OSBPL3: variants seen among roughly 807,000 people sequenced by gnomAD.
The protein encoded by OSBPL3 is oxysterol binding protein like 3.
A neutral mutation model predicts 120.1 loss-of-function variants in OSBPL3; 65 were observed. The observed-to-expected ratio is 0.54, with a 90% CI of 0.44 to 0.67. The LOEUF is 0.67. OSBPL3 is among the 30% of genes least tolerant of loss of function. OSBPL3 has a pLI of 0.00. For synonymous variants in OSBPL3, 416 were observed against 402.6 expected (o/e 1.03, Z -0.40); for missense variants, 1,004 against 1,082.1 (o/e 0.93, Z 1.01).
In OSBPL3 at chr7:24,863,592, C is replaced by A. The variant is rs78399024; in HGVS notation, c.681G>T (p.Ala227=). Residue 227 remains alanine (A), a synonymous_variant, in exon 8 of 23, where the codon GCG becomes GCT. Transcript: ENST00000313367. This position sits in a 1 kb window ranked among gnomAD's most constrained non-coding sequence, Gnocchi z 5.8. ...TTTCTACCAGGTAGGCATGACAGTG[C>A]GCCAGGTCTGTGGGGGAAAAGAGGA... ...EDMEKCSKDL[A]HCHAYLVEMS... is the part of the protein sequence containing the mutation. The A allele has an allele frequency of 6.2e-7, 1 of 1,611,900 alleles. No homozygotes were observed. The highest frequency in any genetic ancestry group is 2.2e-5 in the East Asian group (1 of 44,868).
intron 9 of OSBPL3, 112 bp from the exon 10 acceptor site, chr7:24,861,881 G>T (rs2128249324): frequency 9.0e-5 from 50 of 553,584 alleles, no homozygotes; most frequent in East Asian, 1.5e-4. Context: ...TTTATAGGTA[G>T]GTCTTTTTTT....
Position 24,946,393 on chromosome 7 carries a change from G to A in OSBPL3, c.-150+33493C>T, listed in dbSNP as rs1212329381. ...CTCGTATTTAAGAGAAGGGTACACA[G>A]ACCTCACCTATCAATGAAAGAACTT... is the stretch of plus-strand genomic sequence containing the variant. On this transcript the variant is annotated intron_variant, in intron 1 of 22. Transcript: ENST00000313367. This position sits in a 1 kb window ranked among gnomAD's most constrained non-coding sequence, Gnocchi z 4.3. Among the ~76,000 whole-genome samples the A allele has an allele frequency of 6.6e-6, 1 of 152,110 alleles. No homozygotes were observed. The highest frequency in any genetic ancestry group is 2.4e-5 in the African/African-American group (1 of 41,412).
At chr7:24,909,329 G>C (rs1299608182) in intron 1 of OSBPL3, among the ~76,000 whole-genome samples, 1 of 152,142 alleles carries the variant, frequency 6.6e-6, no homozygotes, top group Non-Finnish European at 1.5e-5. Flanking sequence ...GGCTGCCAAT[G>C]AGATGTGAGC....
rs1158688223 is a variant in OSBPL3, at chr7:24,968,874, T to G, written c.-150+11012A>C. Among the ~76,000 whole-genome samples, 1 of 152,250 alleles carries G rather than the reference T, an allele frequency of 6.6e-6. No individual in the cohort carries two copies. Among genetic ancestry groups the G allele is most frequent in the Non-Finnish European group, 1.5e-5 (1 of 68,042 alleles). On this transcript the variant is annotated intron_variant, in intron 1 of 22. Transcript: ENST00000313367. This position sits in a 1 kb window ranked among gnomAD's most constrained non-coding sequence, Gnocchi z 4.6. ...CAGAAAATGTAGAGCTGCCTCATTTTTAACGGCTCTATTATTTTTAATTAG... is the reference window on the plus strand; with the variant it reads ...CAGAAAATGTAGAGCTGCCTCATTTGTAACGGCTCTATTATTTTTAATTAG...
chr7:24,948,561 C>G (rs1814017693), intron 1 of OSBPL3, among the ~76,000 whole-genome samples: 7 of 152,128 alleles, frequency 4.6e-5, no homozygotes, highest in Admixed American at 4.6e-4. Context: ...AATGCAATAC[C>G]TTCTTCCAGC....
Position 24,834,651 on chromosome 7 carries a change from G to A in OSBPL3, c.1581C>T (p.Ser527=), listed in dbSNP as rs1796781024. The A allele has an allele frequency of 6.2e-7, 1 of 1,613,934 alleles. No individual in the cohort carries two copies. The highest frequency in any genetic ancestry group is 1.7e-5 in the Admixed American group (1 of 59,998). ...PAPCPSSSNI[S]LWNILRNNIG... is the part of the protein sequence containing the mutation. The stretch of plus-strand genomic sequence containing the variant: ...TGTTGTTCCTCAGGATGTTCCACAG[G>A]CTGATGTTACTGCTGCTCGGGCAGG... Residue 527 remains serine (S), a synonymous_variant, in exon 15 of 23, where the codon AGC becomes AGT. Coordinates refer to ENST00000313367, the MANE Select transcript of OSBPL3 (RefSeq NM_015550.4). The surrounding 1 kb of genome is among the most constrained non-coding windows in gnomAD (Gnocchi z 5.2).
Position 24,804,401 on chromosome 7 carries a change from T to C in OSBPL3, c.2481A>G (p.Ile827Met). The change falls in exon 22 of 23, where the codon ATA (isoleucine) becomes ATG (methionine). Residue 827 changes from isoleucine (I) to methionine (M), a missense_variant. Physicochemically the swap from Ile to Met is conservative, Grantham distance 10. Transcript: ENST00000313367. This position sits in a 1 kb window ranked among gnomAD's most constrained non-coding sequence, Gnocchi z 5.4. ...LEEGNLEEAE[I>M]QKQRIEQLQR... ...GCAGTTGTTCAATCCTCTGCTTTTG[T>C]ATTTCAGCTTCTTCTAAGTTCCCTT... 2 of 1,614,052 alleles carry C rather than the reference T, an allele frequency of 1.2e-6. No individual in the cohort carries two copies. Among genetic ancestry groups the C allele is most frequent in the Non-Finnish European group, 1.7e-6 (2 of 1,179,944 alleles).
In OSBPL3 at chr7:24,972,560, G is replaced by A. The variant is rs954904644; in HGVS notation, c.-150+7326C>T. On this transcript the variant is annotated intron_variant, in intron 1 of 22. Transcript: ENST00000313367. This position sits in a 1 kb window ranked among gnomAD's most constrained non-coding sequence, Gnocchi z 4.3. ...AGGTTCCACATCTGTTCAATTCATC[G>A]CCACATCCCCTGCACCCAGCCTGGT... 3.3e-5 allele frequency among the ~76,000 whole-genome samples: 5 copies of A among 152,006 alleles called. No individual in the cohort carries two copies. The highest frequency in any genetic ancestry group is 6.6e-5 in the Admixed American group (1 of 15,260).
upstream of OSBPL3, chr7:24,981,438 G>T (rs753741954): frequency 1.3e-5 from 2 of 152,390 alleles, no homozygotes; most frequent in Non-Finnish European, 2.9e-5. The surrounding 1 kb of genome is among the most constrained non-coding windows in gnomAD (Gnocchi z 7.3). Flanking sequence ...GCTGGGCTCA[G>T]CGCCTGGGAC....
rs1791745532 is a variant in OSBPL3 at position 24,796,583 on chromosome 7, G to A, written c.*3600C>T. On this transcript the variant is annotated 3_prime_UTR_variant, in exon 23 of 23. Coordinates refer to ENST00000313367, the MANE Select transcript of OSBPL3 (RefSeq NM_015550.4). This position sits in a 1 kb window ranked among gnomAD's most constrained non-coding sequence, Gnocchi z 5.2. ...ATTCACATTCAACTAGCTACATGAG[G>A]GGGATAAGCAAATTAATAGGAGCTT... 6.6e-6 allele frequency: 1 copy of A among 152,102 alleles called. No individual in the cohort carries two copies. The highest frequency in any genetic ancestry group is 1.5e-5 in the Non-Finnish European group (1 of 68,034). 9.4% of individuals were successfully genotyped at this position (152,102 alleles called of 1,614,324 possible). A position where few individuals can be genotyped will look rare whatever the true frequency, so the allele number is the denominator to read the frequency against.
In OSBPL3 at chr7:24,815,343, CTA is replaced by C. The variant is rs928457204; in HGVS notation, c.2028-142_2028-141del. ...CACAGAAGCAACACTGGCTAAGTGT[CTA>C]TGTCACACTGGATGTTCTAGGAGCT... On this transcript the variant is annotated intron_variant, in intron 18 of 22. Coordinates refer to ENST00000313367, the MANE Select transcript of OSBPL3 (RefSeq NM_015550.4). This position sits in a 1 kb window ranked among gnomAD's most constrained non-coding sequence, Gnocchi z 5.1. The C allele has an allele frequency of 6.0e-5, 40 of 663,054 alleles. No individual in the cohort carries two copies. In the African/African-American group the frequency reaches 7.0e-4, roughly 12 times the overall value. 41.1% of individuals were successfully genotyped at this position (663,054 alleles called of 1,614,324 possible).
rs989766429 is a variant in OSBPL3, at chr7:24,852,557, C to T, written c.1105G>A (p.Ala369Thr). 2 of 1,607,986 alleles carry T rather than the reference C, an allele frequency of 1.2e-6. No individual in the cohort carries two copies. The highest frequency in any genetic ancestry group is 1.7e-4 in the Middle Eastern group (1 of 6,036). ...EKLKQLMEQD[A>T]SSSPSAQVIG... ...ACCTGAGCAGACGGGGAGGAGGAGGCATCCTGCTCCATCAGCTGCTTCAGT... is the reference window on the plus strand; with the variant it reads ...ACCTGAGCAGACGGGGAGGAGGAGGTATCCTGCTCCATCAGCTGCTTCAGT... Residue 369 changes from alanine (A) to threonine (T), a missense_variant, in exon 11 of 23, where the codon GCC becomes ACC. Ala to Thr is a moderately conservative substitution (Grantham distance 58, BLOSUM62 0). This residue lies in a region of OSBPL3 where 272 missense variants were observed against 248.8 expected (regional missense o/e 1.09). Coordinates refer to ENST00000313367, the MANE Select transcript of OSBPL3 (RefSeq NM_015550.4). This position sits in a 1 kb window ranked among gnomAD's most constrained non-coding sequence, Gnocchi z 4.1.
chr7:24,844,068 C>A (rs927098328), intron 12 of OSBPL3, among the ~76,000 whole-genome samples: 9 of 152,336 alleles, frequency 5.9e-5, no homozygotes, highest in Admixed American at 4.6e-4. Context: ...TAGCCCCTAG[C>A]CCTTTCTGGC....
rs1799660172 is a variant in OSBPL3, at chr7:24,855,046, G to A, written c.1028-2412C>T. On this transcript the variant is annotated intron_variant, in intron 10 of 22. Coordinates refer to ENST00000313367, the MANE Select transcript of OSBPL3 (RefSeq NM_015550.4). This position sits in a 1 kb window ranked among gnomAD's most constrained non-coding sequence, Gnocchi z 4.3. Reference sequence around the variant, plus strand: ...GCCAGGAAAATGCTTGTAAATAACTGCACACAGGGTAGAAATTCTAGGAAT... The same window carrying A: ...GCCAGGAAAATGCTTGTAAATAACTACACACAGGGTAGAAATTCTAGGAAT... Among the ~76,000 whole-genome samples, 1 of 152,178 alleles carries A rather than the reference G, an allele frequency of 6.6e-6. No homozygotes were observed. The highest frequency in any genetic ancestry group is 1.5e-5 in the Non-Finnish European group (1 of 68,020).
At chr7:24,917,618 A>T (rs538972900) in intron 1 of OSBPL3, among the ~76,000 whole-genome samples, 12 of 151,998 alleles carry the variant, frequency 7.9e-5, no homozygotes, top group Non-Finnish European at 1.6e-4. Context: ...TCTTAGAAAC[A>T]GCAACTCAAA....
At chr7:24,807,496 A>AAATAATAATAATAAT (rs147177707) in intron 20 of OSBPL3, among the ~76,000 whole-genome samples, 3 of 150,780 alleles carry the variant, frequency 2.0e-5, no homozygotes, top group African/African-American at 7.3e-5. Context: ...TCCATCTCAA[A>AAATAATAATAATAAT]AATAATAATA....
chr7:24,811,104 TTC>T (rs1236050610), intron 19 of OSBPL3, among the ~76,000 whole-genome samples: 2 of 152,236 alleles, frequency 1.3e-5, no homozygotes, highest in Non-Finnish European at 2.9e-5. Flanking sequence ...GGAACTTCCA[TTC>T]TGTTTTCCAT....
rs143916433 is a variant in OSBPL3, at chr7:24,898,835, T to C, written c.-149-6214A>G. Among the ~76,000 whole-genome samples the C allele has an allele frequency of 1.3e-5, 2 of 152,292 alleles. No homozygotes were observed. The highest frequency in any genetic ancestry group is 2.9e-5 in the Non-Finnish European group (2 of 68,030). On this transcript the variant is annotated intron_variant, in intron 1 of 22. Transcript: ENST00000313367. The surrounding 1 kb of genome is among the most constrained non-coding windows in gnomAD (Gnocchi z 4.3). ...CAAAGCAAGAACTCCCTCTATAACA[T>C]GGCTAGATCATCACTGCTTGACCAC...
intron 5 of OSBPL3, 35 bp from the exon 6 acceptor site, chr7:24,866,272 G>A (rs1183023150): frequency 6.8e-7 from 1 of 1,468,610 alleles, no homozygotes; most frequent in Non-Finnish European, 9.5e-7. Context: ...GGAAACAAGA[G>A]AATCATTCAC....
Sources: gnomAD v4.1 joint callset for allele counts (sites outside exome capture counted in the v4.1 genomes callset) on GRCh38, gnomAD v4.1.1 for gene constraint, gnomAD v4.1.1 regional missense constraint, Gnocchi (gnomAD v3.1) non-coding constraint, MANE v1.5 for transcripts, NCBI Gene and HGNC (gene_info 2026-07-23, HGNC 2026-07-21) for gene names.